TMC7: variants seen among roughly 807,000 people sequenced by gnomAD.
TMC7 encodes the protein transmembrane channel like 7.
In TMC7, 54 loss-of-function variants were observed where a neutral mutation model predicts 82.9. That is an observed-to-expected ratio of 0.65 (90% CI 0.52 to 0.82). TMC7 has a LOEUF of 0.82. TMC7 is among the 40% of genes least tolerant of loss of function. The pLI, the probability that TMC7 is intolerant of heterozygous loss-of-function variation, is 0.00. For synonymous variants in TMC7, 350 were observed against 337.9 expected (o/e 1.04, Z -0.39); for missense variants, 820 against 901.2 (o/e 0.91, Z 1.15).
At chr16:19,007,412 G>T (rs1011661372) in intron 1 of TMC7, among the ~76,000 whole-genome samples, 2 of 152,230 alleles carry the variant, frequency 1.3e-5, no homozygotes, top group Non-Finnish European at 2.9e-5. Flanking sequence ...GGCCAGGCCA[G>T]TGTGGCTCAT....
chr16:18,998,582 G>A (rs12448824), intron 1 of TMC7, among the ~76,000 whole-genome samples: 47,060 of 151,736 alleles, frequency 0.31, 9,177 homozygotes, highest in East Asian at 0.65. Flanking sequence ...GTGAAACCCC[G>A]TCTCTACTAA....
At chr16:18,996,047 T>C (rs2142133229) in intron 1 of TMC7, among the ~76,000 whole-genome samples, 1 of 152,210 alleles carries the variant, frequency 6.6e-6, no homozygotes, top group South Asian at 2.1e-4. Context: ...AGCCACCTTT[T>C]TAAGAGGAAA....
At chr16:18,984,208 C>A (rs1234165123) in intron 1 of TMC7, 78 bp downstream of exon 1, 30 of 1,393,102 alleles carry the variant, frequency 2.2e-5, no homozygotes, top group Non-Finnish European at 2.8e-5. Flanking sequence ...GTGCTGGAGG[C>A]TCGGCCTGGC....
intron 14 of TMC7, among the ~76,000 whole-genome samples, chr16:19,057,538 C>A (rs1413198994): frequency 6.6e-6 from 1 of 152,184 alleles, no homozygotes; most frequent in Non-Finnish European, 1.5e-5. Context: ...AGGCAGGATA[C>A]CTTTGATGAG....
intron 1 of TMC7, chr16:18,984,373 T>C: frequency 1.6e-6 from 2 of 1,276,680 alleles, no homozygotes; most frequent in Non-Finnish European, 2.0e-6. Flanking sequence ...AACTGCAGTC[T>C]GGACCGTGGT....
intron 1 of TMC7, among the ~76,000 whole-genome samples, chr16:18,987,386 C>T (rs1453084524): frequency 6.6e-6 from 1 of 152,100 alleles, no homozygotes; most frequent in Non-Finnish European, 1.5e-5. Context: ...TCTCGGCTCA[C>T]CACAACCTCT....
intron 1 of TMC7, among the ~76,000 whole-genome samples, chr16:18,997,468 C>G (rs2039063068): frequency 6.6e-6 from 1 of 152,016 alleles, no homozygotes; most frequent in Non-Finnish European, 1.5e-5. Flanking sequence ...CTCCTGGATT[C>G]AAGCGATTCT....
intron 1 of TMC7, among the ~76,000 whole-genome samples, chr16:19,001,809 A>G (rs181251728): frequency 4.6e-5 from 7 of 152,232 alleles, no homozygotes; most frequent in African/African-American, 9.6e-5. Context: ...GCAAGTCTTC[A>G]TCTTCTCCAG....
At chr16:19,016,665 T>G in intron 3 of TMC7, 67 bp downstream of exon 3, 1 of 1,529,078 alleles carries the variant, frequency 6.5e-7, no homozygotes, top group Non-Finnish European at 8.9e-7. Flanking sequence ...AAGTACAGCT[T>G]CGTTTCCACT....
chr16:19,025,355 T>G (rs997567756), intron 5 of TMC7, among the ~76,000 whole-genome samples: 5 of 152,136 alleles, frequency 3.3e-5, no homozygotes. Flanking sequence ...CGGTGGCTCA[T>G]GCCTGTAACC....
In TMC7 at chr16:19,061,758, G is replaced by C. The variant is rs367836453; in HGVS notation, c.2107-20G>C. On this transcript the variant is annotated intron_variant, in intron 15 of 15. Coordinates refer to ENST00000304381, the MANE Select transcript of TMC7 (RefSeq NM_024847.4). ...GTTTCCAAATATATTAAATGTACAT[G>C]TGAACTTATTATTTTTTAGGAAAGT... The C allele has an allele frequency of 6.2e-7, 1 of 1,607,464 alleles. No homozygotes were observed. The highest frequency in any genetic ancestry group is 8.5e-7 in the Non-Finnish European group (1 of 1,175,344).
Position 19,061,582 on chromosome 16 carries a change from G to T in TMC7, c.2107-196G>T, listed in dbSNP as rs528694204. On this transcript the variant is annotated intron_variant, in intron 15 of 15. Coordinates refer to ENST00000304381, the MANE Select transcript of TMC7 (RefSeq NM_024847.4). Reference sequence around the variant, plus strand: ...TTACAGGCATGAGCCACCGTGTCCAGCTGTACTGTGCATTTTTTAAAAAAA... The same window carrying T: ...TTACAGGCATGAGCCACCGTGTCCATCTGTACTGTGCATTTTTTAAAAAAA... Among the ~76,000 whole-genome samples, 175 of 152,362 alleles carry T rather than the reference G, an allele frequency of 1.1e-3. 1 individual carries two copies. The highest frequency in any genetic ancestry group is 1.8e-3 in the Non-Finnish European group (120 of 68,036).
chr16:19,041,792 AGCTGAATCCAAACAAG>A (rs1329762039), intron 9 of TMC7, among the ~76,000 whole-genome samples: 1 of 152,158 alleles, frequency 6.6e-6, no homozygotes, highest in Non-Finnish European at 1.5e-5. Context: ...ATTTGTTCAA[AGCTGAATCCAAACAAG>A]GCCCACATGC....
chr16:19,059,444 G>A lies in TMC7; in HGVS notation c.2056G>A (p.Ala686Thr). ...CATCATGTTTTACTTCATTGCCTTA[G>A]CTGGAGCACACAAACGGGTGGTCAT... ...CLIMFYFIAL[A>T]GAHKRVVIQL... The change falls in exon 15 of 16, where the codon GCT becomes ACT. Residue 686 changes from alanine (A) to threonine (T), a missense_variant. Ala to Thr is a moderately conservative substitution (Grantham distance 58, BLOSUM62 0). This residue lies in a region of TMC7 where 170 missense variants were observed against 231.3 expected (regional missense o/e 0.74). Coordinates refer to ENST00000304381, the MANE Select transcript of TMC7 (RefSeq NM_024847.4). 1 of 1,614,014 alleles carries A rather than the reference G, an allele frequency of 6.2e-7. No homozygotes were observed. Among genetic ancestry groups the A allele is most frequent in the Non-Finnish European group, 8.5e-7 (1 of 1,180,024 alleles).
intron 2 of TMC7, among the ~76,000 whole-genome samples, chr16:19,014,963 TG>T (rs1247946540): frequency 2.0e-5 from 3 of 152,164 alleles, no homozygotes; most frequent in Non-Finnish European, 2.9e-5. Context: ...TTTATTTAAT[TG>T]TTTTTTTGTT....
Position 19,035,622 on chromosome 16 carries a change from G to A in TMC7, c.858-54G>A, listed in dbSNP as rs1960707135. 1.9e-6 allele frequency: 3 copies of A among 1,608,852 alleles called. No individual in the cohort carries two copies. In the South Asian group the frequency reaches 3.3e-5, roughly 18 times the overall value. Reference sequence around the variant, plus strand: ...AAGTTTCAGACACAGCCAATTCAGGGGACTCTCTTTTGCTGTTGTTTCTAT... The same window carrying A: ...AAGTTTCAGACACAGCCAATTCAGGAGACTCTCTTTTGCTGTTGTTTCTAT... On this transcript the variant is annotated intron_variant, in intron 6 of 15. Coordinates refer to ENST00000304381, the MANE Select transcript of TMC7 (RefSeq NM_024847.4).
rs552236795 is a variant in TMC7 at position 19,047,521 on chromosome 16, C to A, written c.1740+272C>A. On this transcript the variant is annotated intron_variant, in intron 12 of 15. Coordinates refer to ENST00000304381, the MANE Select transcript of TMC7 (RefSeq NM_024847.4). ...CAAGTGATCTCCTGCCCCAGCCTCC[C>A]GAGTAGCTGGGACTACAGGAGCCTG... Among the ~76,000 whole-genome samples, 103 of 150,828 alleles carry A rather than the reference C, an allele frequency of 6.8e-4. 1 individual carries two copies. Among genetic ancestry groups the A allele is most frequent in the African/African-American group, 2.3e-3 (95 of 41,064 alleles).
rs1275563966 is a variant in TMC7 at position 18,984,075 on chromosome 16, C to A, written c.12C>A (p.Ser4=). The change falls in exon 1 of 16, where the codon TCC becomes TCA. Residue 4 remains serine (S), a synonymous_variant. Transcript: ENST00000304381. MSE[S]SGSALQPGRP... is the part of the protein sequence containing the mutation. ...CGCGGGGCGCGGCCATGAGCGAGTC[C>A]AGCGGCAGTGCGCTCCAGCCCGGCA... 6.7e-7 allele frequency: 1 copy of A among 1,499,484 alleles called. No homozygotes were observed. The allele number at this position is 1,499,484 out of a possible 1,614,324, so 92.9% of individuals were successfully genotyped here. A position where few individuals can be genotyped will look rare whatever the true frequency, so the allele number is the denominator to read the frequency against.
chr16:19,060,708 C>T (rs1157595684), intron 15 of TMC7, among the ~76,000 whole-genome samples: 1 of 151,750 alleles, frequency 6.6e-6, no homozygotes, highest in African/African-American at 2.4e-5. Flanking sequence ...CATCAAGTCA[C>T]AGTGCCTTGA....
Sources: allele counts gnomAD v4.1 joint callset (sites outside exome capture counted in the v4.1 genomes callset), GRCh38; gene constraint gnomAD v4.1.1; regional missense constraint gnomAD v4.1.1; transcripts MANE v1.5; gene names NCBI Gene and HGNC (gene_info 2026-07-23, HGNC 2026-07-21).